Variants in PCNX2 observed in about 807,000 individuals in gnomAD.
PCNX2 encodes the protein pecanex 2, also known as pecanex-like protein 2.
A neutral mutation model predicts 223.8 loss-of-function variants in PCNX2; 168 were observed. The ratio of observed to expected loss-of-function variants is 0.75; its 90% CI spans 0.66 to 0.85. The LOEUF is 0.85. Ranked by LOEUF, PCNX2 falls within the 40% of genes least tolerant of loss-of-function variation. The probability of loss-of-function intolerance (pLI) is 0.00; values close to 1 mark genes in which losing one functional copy is unlikely to be tolerated. For synonymous variants in PCNX2, 1,006 were observed against 1,052.6 expected, an observed-to-expected ratio of 0.96 and a Z score of 0.86; for missense variants, 2,507 against 2,675.5, an observed-to-expected ratio of 0.94 and a Z score of 1.39.
intron 1 of PCNX2, among the ~76,000 whole-genome samples, chr1:233,280,786 T>C (rs1040587996): frequency 2.6e-5 from 4 of 152,252 alleles, no homozygotes; most frequent in African/African-American, 9.6e-5. Flanking sequence ...CATCTTTTTT[T>C]CTCAATTTAG....
chr1:233,313,752 TAGTTCAC>T, the PCNX2 span, among the ~76,000 whole-genome samples: 1 of 151,970 alleles, frequency 6.6e-6, no homozygotes, highest in East Asian at 1.9e-4. Context: ...AAATAACAGG[TAGTTCAC>T]AGTAAGGGTA....
chr1:233,068,913 G>A (rs1300883530), intron 23 of PCNX2, among the ~76,000 whole-genome samples: 1 of 152,000 alleles, frequency 6.6e-6, no homozygotes, highest in African/African-American at 2.4e-5. Flanking sequence ...GAAAAACTAT[G>A]ACCTACGCTG....
At chr1:233,176,350 C>T (rs2102853775) in intron 17 of PCNX2, among the ~76,000 whole-genome samples, 1 of 152,312 alleles carries the variant, frequency 6.6e-6, no homozygotes, top group East Asian at 1.9e-4. Context: ...CTTCCTTTCT[C>T]TCCTTCTTCC....
At position 233,126,382 on chromosome 1, in the gene PCNX2, C is replaced by T. The variant is rs993364449; in HGVS notation, c.3837+8631G>A. On this transcript the variant is annotated intron_variant, in intron 21 of 33. Transcript: ENST00000258229. The surrounding 1 kb of genome is among the most constrained non-coding windows in gnomAD (Gnocchi z 4.8). ...ATGCTATAGCATTCTCTGCAGGGGTCAAAAGGAAGAGGCAACATGATATGC... is the reference window on the plus strand; with the variant it reads ...ATGCTATAGCATTCTCTGCAGGGGTTAAAAGGAAGAGGCAACATGATATGC... 7.2e-5 allele frequency among the ~76,000 whole-genome samples: 11 copies of T among 151,912 alleles called. No homozygotes were observed. The highest frequency in any genetic ancestry group is 1.5e-4 in the Non-Finnish European group (10 of 67,994).
chr1:233,119,478 G>C (rs1456975259), intron 21 of PCNX2, among the ~76,000 whole-genome samples: 1 of 145,876 alleles, frequency 6.9e-6, no homozygotes, highest in South Asian at 2.2e-4. Context: ...CCAGCTACTC[G>C]GGAGGCTGAG....
intron 1 of PCNX2, among the ~76,000 whole-genome samples, chr1:233,280,696 C>T (rs937550023): frequency 5.3e-5 from 8 of 152,192 alleles, no homozygotes; most frequent in African/African-American, 2.4e-5. Context: ...ACACCCTCAG[C>T]ACCCAGCTTG....
intron 19 of PCNX2, among the ~76,000 whole-genome samples, chr1:233,145,217 C>T (rs934390016): frequency 1.3e-5 from 2 of 152,106 alleles, no homozygotes; most frequent in African/African-American, 2.4e-5. Flanking sequence ...TCGCCTGCTT[C>T]GGACTCCCAA....
Position 233,252,766 on chromosome 1 carries a change from CT to C in PCNX2, c.1856del (p.Lys619ArgfsTer52). ...GCTTTTCATTTTCCAGGATTTCCTCCTTTTTTTCCTGGGAACAGTTATCTGA... is the reference window on the plus strand; with the variant it reads ...GCTTTTCATTTTCCAGGATTTCCTCCTTTTTTCCTGGGAACAGTTATCTGA... ...LLRDNCSQEK[K>X]EEILENEKPS... On this transcript the variant is annotated frameshift_variant, in exon 6 of 34. Transcript: ENST00000258229. LOFTEE classifies it high-confidence loss of function. 2 of 1,611,080 alleles carry C rather than the reference CT, an allele frequency of 1.2e-6. No homozygotes were observed. The highest frequency in any genetic ancestry group is 1.1e-5 in the South Asian group (1 of 90,354).
At chr1:233,083,130 G>A (rs1182638469) in intron 23 of PCNX2, among the ~76,000 whole-genome samples, 4 of 152,226 alleles carry the variant, frequency 2.6e-5, no homozygotes, top group African/African-American at 9.6e-5. Context: ...CTGATTTGCA[G>A]AATAGGTCCT....
At position 233,258,312 on chromosome 1, in the gene PCNX2, G is replaced by T. The variant is rs374111803; in HGVS notation, c.1550C>A (p.Ser517Ter). The part of the protein sequence containing the change: ...GKEGQTNLDP[S>*]SCKSSHEKRH... ...CTTTTCATGGCTGGACTTACAAGAC[G>T]ATGGGTCAAGGTTAGTCTGGCCTTC... The change falls in exon 5 of 34, where the codon TCG becomes TAG. Residue 517 changes from serine (S) to a stop codon, truncating the protein, a stop_gained. Transcript: ENST00000258229. LOFTEE classifies it high-confidence loss of function. 1 of 1,613,868 alleles carries T rather than the reference G, an allele frequency of 6.2e-7. No homozygotes were observed. Among genetic ancestry groups the T allele is most frequent in the African/African-American group, 1.3e-5 (1 of 74,926 alleles).
At chr1:233,231,670 CAGAAGAAAA>C in intron 9 of PCNX2, 1 of 984,966 alleles carries the variant, frequency 1.0e-6, no homozygotes, top group South Asian at 4.7e-5. Context: ...GAACAGTAGA[CAGAAGAAAA>C]AGTGGTCCTT....
chr1:233,124,159 C>T (rs544718424), intron 21 of PCNX2, among the ~76,000 whole-genome samples: 34 of 152,228 alleles, frequency 2.2e-4, no homozygotes, highest in Non-Finnish European at 3.2e-4. Context: ...GACAACCAAG[C>T]GGCTGGTATG....
At chr1:233,127,892 A>G (rs10910663) in intron 21 of PCNX2, among the ~76,000 whole-genome samples, 42,828 of 152,032 alleles carry the variant, frequency 0.28, 6,306 homozygotes, top group Admixed American at 0.38. Flanking sequence ...TAAGTGCTCA[A>G]TGAATGAACA....
intron 15 of PCNX2, among the ~76,000 whole-genome samples, chr1:233,181,517 A>G (rs1008423203): frequency 6.6e-6 from 1 of 152,114 alleles, no homozygotes; most frequent in Non-Finnish European, 1.5e-5. Context: ...ATCTTTAACA[A>G]ATAAAAAAAG....
chr1:233,294,424 G>A (rs151142950), intron 1 of PCNX2, among the ~76,000 whole-genome samples: 1 of 152,134 alleles, frequency 6.6e-6, no homozygotes, highest in East Asian at 1.9e-4. Context: ...ATACACTGCC[G>A]GAAAAAGAGT....
intron 21 of PCNX2, among the ~76,000 whole-genome samples, chr1:233,128,538 T>C (rs919083884): frequency 6.6e-5 from 10 of 152,314 alleles, no homozygotes; most frequent in African/African-American, 2.4e-4. Flanking sequence ...TTTCACCATG[T>C]TGACCAGGCT....
At chr1:233,232,818 T>G in intron 9 of PCNX2, 1 of 985,324 alleles carries the variant, frequency 1.0e-6, no homozygotes, top group Non-Finnish European at 1.2e-6. Flanking sequence ...TCTCACCAAT[T>G]CTCATCAGTT....
intron 25 of PCNX2, among the ~76,000 whole-genome samples, chr1:233,029,166 T>C (rs150734258): frequency 6.6e-6 from 1 of 152,126 alleles, no homozygotes; most frequent in Admixed American, 6.5e-5. Flanking sequence ...TGAGCAACTT[T>C]TGGTATTTTA....
chr1:233,123,302 C>T (rs926057789), intron 21 of PCNX2, among the ~76,000 whole-genome samples: 13 of 152,080 alleles, frequency 8.5e-5, no homozygotes, highest in African/African-American at 3.1e-4. Flanking sequence ...AAACATCTGG[C>T]CGGGCGCGGT....
Sources: allele counts gnomAD v4.1 joint callset (sites outside exome capture counted in the v4.1 genomes callset), GRCh38; gene constraint gnomAD v4.1.1; non-coding constraint Gnocchi (gnomAD v3.1); transcripts MANE v1.5; gene names NCBI Gene and HGNC (gene_info 2026-07-23, HGNC 2026-07-21).